Variants in CAMKMT observed in about 807,000 individuals in gnomAD.
CAMKMT encodes the protein calmodulin-lysine N-methyltransferase.
A neutral mutation model predicts 48.0 loss-of-function variants in CAMKMT; 53 were observed. The observed-to-expected ratio is 1.10, with a 90% confidence interval of 0.89 to 1.39. CAMKMT has a LOEUF of 1.39. Ranked by LOEUF, CAMKMT falls within the 40% of genes most tolerant of loss-of-function variation. The probability of loss-of-function intolerance (pLI) is 0.00; values close to 1 mark genes in which losing one functional copy is unlikely to be tolerated. For missense variants in CAMKMT, 428 were observed against 402.7 expected, an observed-to-expected ratio of 1.06 and a Z score of -0.54; for synonymous variants, 165 against 152.3, an observed-to-expected ratio of 1.08 and a Z score of -0.61.
chr2:44,647,209 A>G (rs1673783717), intron 3 of CAMKMT, among the ~76,000 whole-genome samples: 1 of 152,176 alleles, frequency 6.6e-6, no homozygotes, highest in Admixed American at 6.5e-5. Context: ...CAACTACAAT[A>G]ACTCCATTGA....
intron 3 of CAMKMT, among the ~76,000 whole-genome samples, chr2:44,557,704 C>T (rs1184787674): frequency 6.6e-6 from 1 of 152,206 alleles, no homozygotes; most frequent in Non-Finnish European, 1.5e-5. Flanking sequence ...CACCATATTT[C>T]TGAGTCCTTG....
chr2:44,402,812 G>A (rs1442104094), intron 3 of CAMKMT, among the ~76,000 whole-genome samples: 2 of 105,420 alleles, frequency 1.9e-5, no homozygotes, highest in Admixed American at 9.9e-5. Flanking sequence ...CTATTTTTAC[G>A]CTTTTTAATG....
intron 3 of CAMKMT, among the ~76,000 whole-genome samples, chr2:44,410,571 G>A (rs1013020265): frequency 6.6e-6 from 1 of 151,942 alleles, no homozygotes; most frequent in Non-Finnish European, 1.5e-5. Flanking sequence ...AATCAACCCT[G>A]AAATTCCAAA....
intron 3 of CAMKMT, among the ~76,000 whole-genome samples, chr2:44,411,926 A>T (rs543882856): frequency 1.3e-5 from 2 of 150,970 alleles, no homozygotes; most frequent in Non-Finnish European, 2.9e-5. Flanking sequence ...TTATTAAGAA[A>T]CTTTGGCTTT....
intron 1 of CAMKMT, among the ~76,000 whole-genome samples, chr2:44,362,379 C>G (rs910089522): frequency 6.6e-6 from 1 of 152,176 alleles, no homozygotes; most frequent in Non-Finnish European, 1.5e-5. Context: ...CTGGGAAACT[C>G]AGATCGAAGT....
At chr2:44,609,329 A>C (rs562197324) in intron 3 of CAMKMT, among the ~76,000 whole-genome samples, 5 of 152,212 alleles carry the variant, frequency 3.3e-5, no homozygotes, top group African/African-American at 1.2e-4. Flanking sequence ...TGTATTTTTG[A>C]AAAATGCAGA....
chr2:44,743,407 A>T (rs1349995927), intron 7 of CAMKMT, among the ~76,000 whole-genome samples: 4 of 152,210 alleles, frequency 2.6e-5, no homozygotes, highest in Non-Finnish European at 5.9e-5. Context: ...AAAAAGGTTA[A>T]CTATTTTATT....
intron 7 of CAMKMT, among the ~76,000 whole-genome samples, chr2:44,733,629 T>C (rs957783726): frequency 1.3e-5 from 2 of 152,190 alleles, no homozygotes; most frequent in African/African-American, 4.8e-5. Flanking sequence ...TTTAGGTTGC[T>C]GAAAGTTTTT....
chr2:44,430,322 GTAA>G (rs1165708165), intron 3 of CAMKMT, among the ~76,000 whole-genome samples: 2 of 151,928 alleles, frequency 1.3e-5, no homozygotes, highest in Non-Finnish European at 2.9e-5. Flanking sequence ...CTGGAGTCAG[GTAA>G]TAATGTTTGT....
intron 3 of CAMKMT, among the ~76,000 whole-genome samples, chr2:44,698,329 A>C (rs964455679): frequency 6.6e-6 from 1 of 152,198 alleles, no homozygotes; most frequent in Non-Finnish European, 1.5e-5. Context: ...TGGATATTTC[A>C]TATAAATAAA....
intron 3 of CAMKMT, among the ~76,000 whole-genome samples, chr2:44,495,369 C>T (rs1558656493): frequency 6.6e-6 from 1 of 152,020 alleles, no homozygotes; most frequent in African/African-American, 2.4e-5. Flanking sequence ...GTCTTGAACT[C>T]CTGGCCTCAA....
chr2:44,452,110 A>T (rs773453038), intron 3 of CAMKMT, among the ~76,000 whole-genome samples: 1 of 151,932 alleles, frequency 6.6e-6, no homozygotes, highest in African/African-American at 2.4e-5. Flanking sequence ...CTTAGGCATT[A>T]TTTAAACTGA....
intron 3 of CAMKMT, among the ~76,000 whole-genome samples, chr2:44,517,968 G>A (rs1558671109): frequency 6.6e-6 from 1 of 151,914 alleles, no homozygotes; most frequent in Non-Finnish European, 1.5e-5. Flanking sequence ...GCTTTTCTTG[G>A]GGAAACCAGT....
intron 3 of CAMKMT, among the ~76,000 whole-genome samples, chr2:44,504,805 A>C (rs1670178345): frequency 6.6e-6 from 1 of 151,878 alleles, no homozygotes; most frequent in African/African-American, 2.4e-5. Flanking sequence ...CCATTGTGTT[A>C]GTCTGGTTTT....
At chr2:44,652,429 C>T (rs1674126527) in intron 3 of CAMKMT, among the ~76,000 whole-genome samples, 1 of 152,196 alleles carries the variant, frequency 6.6e-6, no homozygotes, top group Non-Finnish European at 1.5e-5. Flanking sequence ...CGCAAGGGAA[C>T]ACAGGTGCTG....
intron 3 of CAMKMT, among the ~76,000 whole-genome samples, chr2:44,414,154 G>A (rs74738124): frequency 0.013 from 1,997 of 152,268 alleles, 22 homozygotes; most frequent in Non-Finnish European, 0.019. Context: ...GTGATTGCTT[G>A]TAGGGGAATA....
rs138589455 is a variant in CAMKMT at position 44,766,491 on chromosome 2, C to T, written c.824C>T (p.Ala275Val). The change falls in exon 10 of 11, where the codon GCT (alanine) becomes GTT (valine). Residue 275 changes from alanine (A) to valine (V), a missense_variant. Ala to Val is a moderately conservative substitution (Grantham distance 64). Coordinates refer to ENST00000378494, the MANE Select transcript of CAMKMT (RefSeq NM_024766.5). The part of the protein sequence containing the change: ...GNTLNQFCNL[A>V]EKAGFCIQRH... ...ACTTTAAACCAGTTTTGCAATCTAG[C>T]TGAAAAAGCTGGTTTCTGTATCCAA... is the stretch of plus-strand genomic sequence containing the variant. 103 of 1,613,974 alleles carry T rather than the reference C, an allele frequency of 6.4e-5. No homozygotes were observed. The highest frequency in any genetic ancestry group is 1.6e-4 in the Middle Eastern group (1 of 6,084).
Position 44,442,609 on chromosome 2 carries a change from G to A in CAMKMT, c.376+52304G>A, listed in dbSNP as rs552998904. ...AATATAATGTTAGCTCTGTCTTCAA[G>A]GGCTCCTCTTAATTCTCTGACCGAC... On this transcript the variant is annotated intron_variant, in intron 3 of 10. Transcript: ENST00000378494. 4.6e-5 allele frequency among the ~76,000 whole-genome samples: 7 copies of A among 152,244 alleles called. No individual in the cohort carries two copies. In the East Asian group the frequency reaches 1.4e-3, roughly 29 times the overall value.
At chr2:44,730,892 A>G (rs190650620) in intron 7 of CAMKMT, among the ~76,000 whole-genome samples, 6 of 152,366 alleles carry the variant, frequency 3.9e-5, no homozygotes, top group Admixed American at 3.3e-4. Flanking sequence ...AAGAATGCCT[A>G]TAATAGCCAT....
Sources: gnomAD v4.1 joint callset for allele counts (sites outside exome capture counted in the v4.1 genomes callset) on GRCh38, gnomAD v4.1.1 for gene constraint, MANE v1.5 for transcripts, NCBI Gene and HGNC (gene_info 2026-07-23, HGNC 2026-07-21) for gene names.